The following NRXN1 variants were observed in gnomAD, a reference collection of about 807,000 sequenced individuals.
NRXN1 encodes the protein neurexin-1.
Under a neutral mutation model 150.9 loss-of-function variants are expected in NRXN1, and 39 were observed. The ratio of observed to expected loss-of-function variants is 0.26; its 90% CI spans 0.20 to 0.34. The LOEUF is 0.34. NRXN1 is among the 10% of genes least tolerant of loss of function. The probability of loss-of-function intolerance (pLI) is 1.00; values close to 1 mark genes in which losing one functional copy is unlikely to be tolerated. For missense variants in NRXN1, 1,815 were observed against 1,949.9 expected (o/e 0.93, Z 1.30); for synonymous variants, 924 against 757.0 (o/e 1.22, Z -3.62).
intron 17 of NRXN1, among the ~76,000 whole-genome samples, chr2:50,238,787 T>C (rs2065715240): frequency 1.3e-5 from 2 of 152,028 alleles, no homozygotes; most frequent in South Asian, 4.1e-4. Flanking sequence ...GCAATATGCC[T>C]ATTGTACCTG....
chr2:50,520,113 A>G (rs2092745046), intron 12 of NRXN1, among the ~76,000 whole-genome samples: 1 of 151,980 alleles, frequency 6.6e-6, no homozygotes, highest in African/African-American at 2.4e-5. Context: ...ATTATGTGCT[A>G]TAAGGGCATT....
In NRXN1 at chr2:50,978,477, C is replaced by G. The variant is rs1696273000; in HGVS notation, c.772+49025G>C. ...CACAATATATTTTCAATTACCATAC[C>G]ATAATTCAGTTAAAAATCTCTTACC... is the stretch of plus-strand genomic sequence containing the variant. On this transcript the variant is annotated intron_variant, in intron 2 of 22. Coordinates refer to ENST00000401669, the MANE Select transcript of NRXN1 (RefSeq NM_001330078.2). Among the ~76,000 whole-genome samples, 3 of 150,990 alleles carry G rather than the reference C, an allele frequency of 2.0e-5. No individual in the cohort carries two copies. The South Asian group carries it at 6.3e-4, about 32-fold the overall frequency.
intron 15 of NRXN1, among the ~76,000 whole-genome samples, chr2:50,487,737 A>T (rs1177388452): frequency 6.6e-6 from 1 of 152,212 alleles, no homozygotes; most frequent in Non-Finnish European, 1.5e-5. Context: ...AATTGCCTGA[A>T]AATGATAGTG....
intron 5 of NRXN1, among the ~76,000 whole-genome samples, chr2:50,771,959 G>A (rs569754635): frequency 1.4e-4 from 21 of 152,202 alleles, no homozygotes; most frequent in African/African-American, 5.1e-4. Flanking sequence ...AAGTGCCATA[G>A]CAGGTAAGGG....
intron 5 of NRXN1, among the ~76,000 whole-genome samples, chr2:50,810,639 CA>C (rs1208283091): frequency 1.3e-5 from 2 of 152,112 alleles, no homozygotes; most frequent in Non-Finnish European, 2.9e-5. Context: ...TTACTTGACA[CA>C]ATACAGAAAT....
At chr2:50,947,486 C>A (rs1014081598) in intron 2 of NRXN1, among the ~76,000 whole-genome samples, 2 of 151,822 alleles carry the variant, frequency 1.3e-5, no homozygotes, top group Non-Finnish European at 2.9e-5. Context: ...AATATCATAA[C>A]CATTCTTTTC....
At chr2:50,480,702 C>A (rs960568865) in intron 15 of NRXN1, among the ~76,000 whole-genome samples, 4 of 152,174 alleles carry the variant, frequency 2.6e-5, no homozygotes, top group Non-Finnish European at 4.4e-5. Context: ...TTTGTAGCTT[C>A]TATTTCTTGG....
intron 5 of NRXN1, among the ~76,000 whole-genome samples, chr2:50,833,656 T>C (rs1671711633): frequency 1.3e-5 from 2 of 152,168 alleles, no homozygotes; most frequent in African/African-American, 2.4e-5. Context: ...GAGAAGAGTA[T>C]ATCTACAAAA....
intron 17 of NRXN1, among the ~76,000 whole-genome samples, chr2:50,261,344 T>G (rs1340024040): frequency 6.6e-6 from 1 of 151,800 alleles, no homozygotes; most frequent in Admixed American, 6.6e-5. Context: ...AAGGAAAGCC[T>G]CTAAGGTACG....
chr2:50,014,449 A>G (rs1170265090), intron 21 of NRXN1, among the ~76,000 whole-genome samples: 1 of 152,084 alleles, frequency 6.6e-6, no homozygotes, highest in Non-Finnish European at 1.5e-5. Flanking sequence ...TGACCTGTGC[A>G]CTGTATGATG....
intron 9 of NRXN1, among the ~76,000 whole-genome samples, chr2:50,549,368 C>G (rs972311746): frequency 2.6e-5 from 4 of 152,028 alleles, no homozygotes; most frequent in Non-Finnish European, 5.9e-5. Context: ...CTAATATGAG[C>G]TCTATTTTTT....
intron 19 of NRXN1, among the ~76,000 whole-genome samples, chr2:50,073,394 A>G (rs1322205834): frequency 4.6e-5 from 7 of 152,096 alleles, no homozygotes; most frequent in Non-Finnish European, 1.0e-4. Flanking sequence ...CACTGGGATT[A>G]CCTCTCCTCA....
intron 12 of NRXN1, among the ~76,000 whole-genome samples, chr2:50,523,166 T>G (rs559173386): frequency 6.6e-6 from 1 of 152,134 alleles, no homozygotes; most frequent in South Asian, 2.1e-4. Context: ...TTGCTGAAAA[T>G]AATAATTTAT....
intron 2 of NRXN1, among the ~76,000 whole-genome samples, chr2:50,958,999 T>C (rs1692716581): frequency 1.3e-5 from 2 of 152,276 alleles, no homozygotes; most frequent in Admixed American, 6.5e-5. Context: ...TGCTAAATTT[T>C]TCTTCAGAAT....
intron 18 of NRXN1, among the ~76,000 whole-genome samples, chr2:50,126,724 C>A (rs2152742736): frequency 6.6e-6 from 1 of 152,040 alleles, no homozygotes; most frequent in South Asian, 2.1e-4. Flanking sequence ...CAGAAAAAGC[C>A]ATTAACATTA....
At chr2:49,947,514 CTTTTTTTT>C (rs199991365) in intron 21 of NRXN1, among the ~76,000 whole-genome samples, 5 of 109,002 alleles carry the variant, frequency 4.6e-5, no homozygotes, top group Admixed American at 4.1e-4. Flanking sequence ...TTTTTTTTTT[CTTTTTTTT>C]TTTTTTTTTG....
At chr2:50,173,865 T>C (rs2060178614) in intron 18 of NRXN1, among the ~76,000 whole-genome samples, 1 of 152,176 alleles carries the variant, frequency 6.6e-6, no homozygotes. Context: ...CCTCTGTACA[T>C]TCAAACCTTC....
chr2:50,500,953 C>A (rs1185118108), intron 13 of NRXN1, among the ~76,000 whole-genome samples: 2 of 152,044 alleles, frequency 1.3e-5, no homozygotes, highest in African/African-American at 2.4e-5. Context: ...GCAGAAAGGG[C>A]CCATTTTCTC....
chr2:50,570,591 A>G (rs1449918475), intron 8 of NRXN1, among the ~76,000 whole-genome samples: 2 of 152,282 alleles, frequency 1.3e-5, no homozygotes, highest in East Asian at 1.9e-4. Flanking sequence ...TGAGTGGCAG[A>G]AAGCAACTGT....
Sources: gnomAD v4.1 joint callset for allele counts (sites outside exome capture counted in the v4.1 genomes callset) on GRCh38, gnomAD v4.1.1 for gene constraint, MANE v1.5 for transcripts, NCBI Gene and HGNC (gene_info 2026-07-23, HGNC 2026-07-21) for gene names.